The following DIP2A variants were observed in gnomAD, a reference collection of about 807,000 sequenced individuals.
DIP2A encodes the protein disco-interacting protein 2 homolog A.
DIP2A carries 85 observed loss-of-function variants against 177.4 expected under a neutral mutation model. That is an observed-to-expected ratio of 0.48 (90% CI 0.40 to 0.57). The LOEUF (loss-of-function observed/expected upper bound fraction) is 0.57, where lower values mean the gene tolerates loss of function less well. DIP2A is among the 20% of genes least tolerant of loss of function. DIP2A has a pLI of 0.00. For missense variants in DIP2A, 1,791 were observed against 2,100.2 expected (o/e 0.85, Z 2.88); for synonymous variants, 886 against 881.8 (o/e 1.00, Z -0.08).
intron 4 of DIP2A, among the ~76,000 whole-genome samples, chr21:46,497,773 C>G (rs1489288676): frequency 6.6e-6 from 1 of 152,080 alleles, no homozygotes; most frequent in African/African-American, 2.4e-5. Context: ...CACAATAAAA[C>G]CAAACACACC....
At chr21:46,545,797 T>G in intron 19 of DIP2A, 84 bp from the exon 20 acceptor site, 2 of 1,513,642 alleles carry the variant, frequency 1.3e-6, no homozygotes, top group Non-Finnish European at 1.8e-6. Flanking sequence ...CACGTGGTGC[T>G]GAGCCTCCTG....
intron 37 of DIP2A, 132 bp from the exon 38 acceptor site, chr21:46,567,238 T>C (rs1436650400): frequency 1.5e-6 from 2 of 1,330,878 alleles, no homozygotes; most frequent in African/African-American, 2.9e-5. Flanking sequence ...ATCTTTAGAT[T>C]GTAAATGGCC....
chr21:46,514,324 TAC>T (rs1377268285), intron 8 of DIP2A, among the ~76,000 whole-genome samples: 2 of 151,636 alleles, frequency 1.3e-5, no homozygotes, highest in Non-Finnish European at 2.9e-5. Flanking sequence ...TAGTCCCAGC[TAC>T]TTGGCAGGCT....
At chr21:46,470,508 C>T (rs558942348) in intron 1 of DIP2A, among the ~76,000 whole-genome samples, 35 of 151,238 alleles carry the variant, frequency 2.3e-4, no homozygotes, top group Middle Eastern at 3.4e-3. Flanking sequence ...CACGGTAGCT[C>T]ACGCCTGTAA....
Position 46,537,396 on chromosome 21 carries a change from T to C in DIP2A, c.1708-50T>C. On this transcript the variant is annotated intron_variant, in intron 14 of 37. Transcript: ENST00000417564. This position sits in a 1 kb window ranked among gnomAD's most constrained non-coding sequence, Gnocchi z 4.1. ...AGTACATCGGTTTTGTTTTGCTTTTTCTGGTGTGGCTCGGGCCCACTCGCC... is the reference window on the plus strand; with the variant it reads ...AGTACATCGGTTTTGTTTTGCTTTTCCTGGTGTGGCTCGGGCCCACTCGCC... The C allele has an allele frequency of 1.2e-6, 2 of 1,611,638 alleles. No homozygotes were observed. Among genetic ancestry groups the C allele is most frequent in the South Asian group, 1.1e-5 (1 of 91,050 alleles).
downstream of DIP2A, among the ~76,000 whole-genome samples, chr21:46,571,617 C>A (rs1443421096): frequency 6.6e-6 from 1 of 152,160 alleles, no homozygotes; most frequent in Non-Finnish European, 1.5e-5. Flanking sequence ...TCCTTCACAT[C>A]CCTTGTAAGT....
rs1162872343 is a variant in DIP2A, at chr21:46,528,527, C to CTTTTTTTTTT, written c.1103-533_1103-524dup. ...ACCAAATACTGACTTTTTCTGCTTGCTTTTTTTTTTTTTTTTTTTTTTTTT... is the reference window on the plus strand; with the variant it reads ...ACCAAATACTGACTTTTTCTGCTTGCTTTTTTTTTTTTTTTTTTTTTTTTTTTTTTTTTTT... On this transcript the variant is annotated intron_variant, in intron 8 of 37. Coordinates refer to ENST00000417564, the MANE Select transcript of DIP2A (RefSeq NM_015151.4). 1.0e-4 allele frequency among the ~76,000 whole-genome samples: 3 copies of CTTTTTTTTTT among 29,406 alleles called. 1 individual carries two copies. The highest frequency in any genetic ancestry group is 3.1e-4 in the African/African-American group (2 of 6,446). 19.3% of individuals were successfully genotyped at this position (29,406 alleles called of 152,430 possible).
At chr21:46,576,245 A>G in the DIP2A span, among the ~76,000 whole-genome samples, 69 of 152,276 alleles carry the variant, frequency 4.5e-4, no homozygotes, top group African/African-American at 1.6e-3. Flanking sequence ...TCCAGCATGC[A>G]TTAGCTATTT....
chr21:46,467,353 AGTTTT>A (rs2054930424), intron 1 of DIP2A, among the ~76,000 whole-genome samples: 1 of 151,000 alleles, frequency 6.6e-6, no homozygotes, highest in African/African-American at 2.4e-5. Context: ...TCACAGTATT[AGTTTT>A]GTTTGTTTGT....
chr21:46,477,472 A>G (rs2055953089), intron 1 of DIP2A, among the ~76,000 whole-genome samples: 2 of 149,330 alleles, frequency 1.3e-5, no homozygotes, highest in Non-Finnish European at 3.0e-5. Flanking sequence ...GGTTGCAGTG[A>G]GCTGAGATTG....
intron 7 of DIP2A, 115 bp from the exon 8 acceptor site, chr21:46,511,302 A>C (rs989652471): frequency 8.8e-7 from 1 of 1,134,404 alleles, no homozygotes; most frequent in Non-Finnish European, 1.2e-6. Context: ...AAATTATTGT[A>C]AGCTTTTTTA....
At chr21:46,509,876 C>A (rs2058219306) in intron 7 of DIP2A, among the ~76,000 whole-genome samples, 1 of 152,156 alleles carries the variant, frequency 6.6e-6, no homozygotes, top group East Asian at 1.9e-4. Context: ...GGGCCCCATG[C>A]TGGTCCTACT....
chr21:46,540,656 A>G (rs1009298307), intron 17 of DIP2A, among the ~76,000 whole-genome samples: 4 of 152,188 alleles, frequency 2.6e-5, no homozygotes, highest in African/African-American at 7.2e-5. Context: ...ATCTTGTATT[A>G]TAGTCATATA....
At chr21:46,489,402 G>C (rs2056880254) in intron 2 of DIP2A, among the ~76,000 whole-genome samples, 1 of 152,140 alleles carries the variant, frequency 6.6e-6, no homozygotes, top group Non-Finnish European at 1.5e-5. Flanking sequence ...GTGGCTGTTG[G>C]GGTGGGGAGA....
intron 8 of DIP2A, among the ~76,000 whole-genome samples, chr21:46,520,749 T>C (rs914797189): frequency 2.0e-5 from 3 of 152,218 alleles, no homozygotes; most frequent in Non-Finnish European, 4.4e-5. Flanking sequence ...ATATCAGAGT[T>C]ATAGAAGTTT....
At chr21:46,463,680 T>TGTG (rs2054524130) in intron 1 of DIP2A, among the ~76,000 whole-genome samples, 2 of 130,960 alleles carry the variant, frequency 1.5e-5, no homozygotes, top group Non-Finnish European at 3.2e-5. Context: ...TGGGATATAT[T>TGTG]TGTGTGTGTG....
Position 46,539,935 on chromosome 21 carries a change from AGAGG to A in DIP2A, c.1981_1984del (p.Glu661SerfsTer12). On this transcript the variant is annotated frameshift_variant, in exon 17 of 38. Transcript: ENST00000417564. LOFTEE classifies it high-confidence loss of function. The stretch of plus-strand genomic sequence containing the variant: ...TCTTCCAGTCCAGAGGTCTGAGGCC[AGAGG>A]TCATCTGTCCTTGTGCAAGTTCTCC... The A allele has an allele frequency of 6.2e-7, 1 of 1,614,034 alleles. No individual in the cohort carries two copies. The highest frequency in any genetic ancestry group is 1.7e-5 in the Admixed American group (1 of 60,032).
intron 13 of DIP2A, among the ~76,000 whole-genome samples, 178 bp downstream of exon 13, chr21:46,534,865 C>G (rs909663054): frequency 6.6e-6 from 1 of 152,236 alleles, no homozygotes; most frequent in Admixed American, 6.5e-5. Context: ...TACAGGGTCT[C>G]TGTGGTTGTG....
chr21:46,478,988 A>G (rs748502273), intron 1 of DIP2A, among the ~76,000 whole-genome samples: 14 of 152,228 alleles, frequency 9.2e-5, no homozygotes, highest in Non-Finnish European at 1.8e-4. Flanking sequence ...GGTTGGGAAT[A>G]GATGCAGTCC....
Sources: allele counts gnomAD v4.1 joint callset (sites outside exome capture counted in the v4.1 genomes callset), GRCh38; gene constraint gnomAD v4.1.1; non-coding constraint Gnocchi (gnomAD v3.1); transcripts MANE v1.5; gene names NCBI Gene and HGNC (gene_info 2026-07-23, HGNC 2026-07-21).